Variants in IL10 observed in about 807,000 individuals in gnomAD.
IL10 encodes the protein interleukin 10.
A neutral mutation model predicts 21.0 loss-of-function variants in IL10; 7 were observed. The ratio of observed to expected loss-of-function variants is 0.33; its 90% confidence interval spans 0.19 to 0.63. The LOEUF (loss-of-function observed/expected upper bound fraction) is 0.63, where lower values mean the gene tolerates loss of function less well. Ranked by LOEUF, IL10 falls within the 20% of genes least tolerant of loss-of-function variation. The pLI, the probability that IL10 is intolerant of heterozygous loss-of-function variation, is 0.77. For missense variants in IL10, 161 were observed against 213.0 expected (o/e 0.76, Z 1.52); for synonymous variants, 83 against 79.7 (o/e 1.04, Z -0.22).
chr1:206,768,497 T>C lies in IL10; in HGVS notation c.*139A>G, dbSNP rs972483064. 1.1e-5 allele frequency: 7 copies of C among 659,338 alleles called. No homozygotes were observed. The highest frequency in any genetic ancestry group is 2.4e-5 in the Admixed American group (1 of 42,448). 40.8% of individuals were successfully genotyped at this position (659,338 alleles called of 1,614,324 possible). A position where few individuals can be genotyped will look rare whatever the true frequency, so the allele number is the denominator to read the frequency against. ...ATAAATAGAAATGGGGGTTGAGGTA[T>C]CAGAGGTAATAAATATTCTATAAGA... On this transcript the variant is annotated 3_prime_UTR_variant, in exon 5 of 5. Coordinates refer to ENST00000423557, the MANE Select transcript of IL10 (RefSeq NM_000572.3).
intron 4 of IL10, among the ~76,000 whole-genome samples, chr1:206,769,099 G>A (rs1017585114): frequency 2.0e-5 from 3 of 152,206 alleles, no homozygotes; most frequent in African/African-American, 7.2e-5. Flanking sequence ...CCTTTTAAAT[G>A]TCTGTGTTCT....
intron 4 of IL10, 40 bp from the exon 5 acceptor site, chr1:206,768,768 C>G: frequency 7.8e-7 from 1 of 1,281,138 alleles, no homozygotes. Context: ...AAAATCCTTT[C>G]TGGGGACTAA....
intron 4 of IL10, among the ~76,000 whole-genome samples, chr1:206,769,295 G>A (rs1202204096): frequency 1.3e-5 from 2 of 152,376 alleles, no homozygotes; most frequent in Admixed American, 6.5e-5. Context: ...ACCCCATTTC[G>A]TTTGGGAACT....
Position 206,770,983 on chromosome 1 carries a change from T to C in IL10, c.302A>G (p.Gln101Arg), listed in dbSNP as rs758058722. The C allele has an allele frequency of 1.9e-6, 3 of 1,614,052 alleles. No homozygotes were observed. In the East Asian group the frequency reaches 6.7e-5, roughly 36 times the overall value. The change falls in exon 3 of 5, where the codon CAA (glutamine) becomes CGA (arginine). Residue 101 changes from glutamine to arginine, a missense_variant. Gln to Arg is a conservative substitution (Grantham distance 43). Transcript: ENST00000423557. ...CACATGCGCCTTGATGTCTGGGTCT[T>C]GGTTCTCAGCTTGGGGCATCACCTC... ...LEEVMPQAEN[Q>R]DPDIKAHVNS...
chr1:206,769,395 T>C lies in IL10; in HGVS notation c.444+434A>G, dbSNP rs1674755936. On this transcript the variant is annotated intron_variant, in intron 4 of 4. Coordinates refer to ENST00000423557, the MANE Select transcript of IL10 (RefSeq NM_000572.3). Reference sequence around the variant, plus strand: ...GTTAAGTGAGAATCCAGCTTCCTGCTCATTCTGAGTTCTGGGGAGTCTGGG... The same window carrying C: ...GTTAAGTGAGAATCCAGCTTCCTGCCCATTCTGAGTTCTGGGGAGTCTGGG... 2.6e-5 allele frequency among the ~76,000 whole-genome samples: 4 copies of C among 152,244 alleles called. 1 individual carries two copies. The highest frequency in any genetic ancestry group is 2.6e-4 in the Admixed American group (4 of 15,282).
rs142093260 is a variant in IL10 at position 206,768,663 on chromosome 1, G to A, written c.510C>T (p.Ala170=). The A allele has an allele frequency of 3.1e-6, 5 of 1,606,602 alleles. No homozygotes were observed. The highest frequency in any genetic ancestry group is 2.2e-5 in the South Asian group (2 of 90,914). The change falls in exon 5 of 5, where the codon GCC becomes GCT. Residue 170 remains alanine, a synonymous_variant. Coordinates refer to ENST00000423557, the MANE Select transcript of IL10 (RefSeq NM_000572.3). ...EFDIFINYIE[A]YMTMKIRN is the part of the protein sequence containing the mutation. ...AGTTTCGTATCTTCATTGTCATGTA[G>A]GCTTCTATGTAGTTGATGAAGATGT...
rs1396196564 is a variant in IL10, at chr1:206,767,854, C to G, written c.*782G>C. ...AAGCAATTCTCTTGCCTCAGCCTCC[C>G]AAGTAGCTGGGATTACAGGTGCGCG... is the stretch of plus-strand genomic sequence containing the variant. On this transcript the variant is annotated 3_prime_UTR_variant, in exon 5 of 5. Coordinates refer to ENST00000423557, the MANE Select transcript of IL10 (RefSeq NM_000572.3). The G allele has an allele frequency of 6.5e-6, 1 of 153,864 alleles. No homozygotes were observed. The highest frequency in any genetic ancestry group is 1.4e-5 in the Non-Finnish European group (1 of 69,074). The allele number at this position is 153,864 out of a possible 1,614,324, so 9.5% of individuals were successfully genotyped here. A position where few individuals can be genotyped will look rare whatever the true frequency, so the allele number is the denominator to read the frequency against.
rs1674728852 is a variant in IL10, at chr1:206,768,416, G to C, written c.*220C>G. On this transcript the variant is annotated 3_prime_UTR_variant, in exon 5 of 5. Transcript: ENST00000423557. ...AAAACAGGTGAAAATAATAAATATT[G>C]AAAAAAATTATAATATTGGGCTTCT... is the stretch of plus-strand genomic sequence containing the variant. The C allele has an allele frequency of 1.9e-6, 1 of 513,034 alleles. No individual in the cohort carries two copies. Among genetic ancestry groups the C allele is most frequent in the Non-Finnish European group, 3.5e-6 (1 of 288,212 alleles). 31.8% of individuals were successfully genotyped at this position (513,034 alleles called of 1,614,324 possible).
intron 4 of IL10, chr1:206,769,569 T>TGGCC (rs1445624958): frequency 1.7e-6 from 1 of 571,986 alleles, no homozygotes; most frequent in Non-Finnish European, 3.1e-6. Context: ...GTTCACAGGC[T>TGGCC]GGCCGGCCAG....
At chr1:206,772,179 A>T in intron 1 of IL10, 92 bp downstream of exon 1, 2 of 1,081,286 alleles carry the variant, frequency 1.8e-6, no homozygotes, top group Non-Finnish European at 1.4e-6. Context: ...ATGGAGGTGG[A>T]GGCGCAGGAG....
chr1:206,772,126 G>A, intron 1 of IL10, 145 bp downstream of exon 1: 1 of 763,456 alleles, frequency 1.3e-6, no homozygotes, highest in South Asian at 1.5e-5. Context: ...GCTTGATCTA[G>A]GATTCTCTTA....
rs9282740 is a variant in IL10 at position 206,770,020 on chromosome 1, C to T, written c.379-126G>A. On this transcript the variant is annotated intron_variant, in intron 3 of 4. Transcript: ENST00000423557. Reference sequence around the variant, plus strand: ...TCCAAATGCCTTGCCTCACAGCTCCCAGAGAGAACTGAGCCCTGCTTCCAT... The same window carrying T: ...TCCAAATGCCTTGCCTCACAGCTCCTAGAGAGAACTGAGCCCTGCTTCCAT... 1.2e-5 allele frequency: 9 copies of T among 737,496 alleles called. No individual in the cohort carries two copies. The Admixed American group carries it at 1.6e-4, about 13-fold the overall frequency. The allele number at this position is 737,496 out of a possible 1,614,324, so 45.7% of individuals were successfully genotyped here. A position where few individuals can be genotyped will look rare whatever the true frequency, so the allele number is the denominator to read the frequency against.
intron 3 of IL10, chr1:206,770,552 C>T (rs1379308084): frequency 2.9e-6 from 1 of 346,982 alleles, no homozygotes; most frequent in African/African-American, 2.1e-5. Flanking sequence ...GTTTCCTCTG[C>T]TTGGGAACCT....
rs752940662 is a variant in IL10, at chr1:206,768,623, C to T, written c.*13G>A. The T allele has an allele frequency of 6.6e-7, 1 of 1,508,556 alleles. No individual in the cohort carries two copies. The highest frequency in any genetic ancestry group is 1.1e-5 in the South Asian group (1 of 88,794). 93.4% of individuals were successfully genotyped at this position (1,508,556 alleles called of 1,614,324 possible). On this transcript the variant is annotated 3_prime_UTR_variant, in exon 5 of 5. Transcript: ENST00000423557. ...TTATGTCCTAGAGTCTATAGAGTCG[C>T]CACCCTGATGTCTCAGTTTCGTATC...
At chr1:206,770,285 C>T (rs1021825308) in intron 3 of IL10, 2 of 359,760 alleles carry the variant, frequency 5.6e-6, no homozygotes, top group Non-Finnish European at 1.1e-5. Flanking sequence ...GGGACCAAAC[C>T]CTTCACATAG....
chr1:206,770,914 C>A lies in IL10; in HGVS notation c.371G>T (p.Arg124Leu), dbSNP rs201365412. 1.2e-6 allele frequency: 2 copies of A among 1,614,056 alleles called. No homozygotes were observed. The highest frequency in any genetic ancestry group is 2.2e-5 in the East Asian group (1 of 44,882). The change falls in exon 3 of 5, where the codon CGG (arginine) becomes CTG (leucine). Residue 124 changes from arginine to leucine, a missense_variant. Coordinates refer to ENST00000423557, the MANE Select transcript of IL10 (RefSeq NM_000572.3). ...AACTGATCTGCTACTTACACAGCGC[C>A]GTAGCCTCAGCCTGAGGGTCTTCAG... The part of the protein sequence containing the change: ...ENLKTLRLRL[R>L]RCHRFLPCEN...
rs1674876626 is a variant in IL10 at position 206,772,334 on chromosome 1, T to C, written c.102A>G (p.Pro34=). The change falls in exon 1 of 5, where the codon CCA becomes CCG. Residue 34 remains proline (P), a synonymous_variant. Transcript: ENST00000423557. ...TQSENSCTHF[P]GNLPNMLRDL... is the part of the protein sequence containing the mutation. The stretch of plus-strand genomic sequence containing the variant: ...CTCGAAGCATGTTAGGCAGGTTGCC[T>C]GGGAAGTGGGTGCAGCTGTTCTCAG... 1 of 1,614,094 alleles carries C rather than the reference T, an allele frequency of 6.2e-7. No individual in the cohort carries two copies. Among genetic ancestry groups the C allele is most frequent in the South Asian group, 1.1e-5 (1 of 91,092 alleles).
intron 1 of IL10, 71 bp from the exon 2 acceptor site, chr1:206,771,486 C>A: frequency 7.9e-7 from 1 of 1,270,230 alleles, no homozygotes; most frequent in Non-Finnish European, 1.1e-6. Flanking sequence ...TTTTTGATGC[C>A]CTTTCATTTA....
chr1:206,768,770 G>T, intron 4 of IL10, 42 bp from the exon 5 acceptor site: 1 of 1,268,050 alleles, frequency 7.9e-7, no homozygotes, highest in South Asian at 1.2e-5. Context: ...AATCCTTTCT[G>T]GGGACTAAAT....
Sources: allele counts gnomAD v4.1 joint callset (sites outside exome capture counted in the v4.1 genomes callset), GRCh38; gene constraint gnomAD v4.1.1; transcripts MANE v1.5; gene names NCBI Gene and HGNC (gene_info 2026-07-23, HGNC 2026-07-21).